SCHIP1: variants seen among roughly 807,000 people sequenced by gnomAD.
The protein encoded by SCHIP1 is schwannomin interacting protein 1.
A neutral mutation model predicts 29.7 loss-of-function variants in SCHIP1; 8 were observed. The ratio of observed to expected loss-of-function variants is 0.27; its 90% CI spans 0.16 to 0.49. The LOEUF (loss-of-function observed/expected upper bound fraction) is 0.49. Ranked by LOEUF, SCHIP1 falls within the 20% of genes least tolerant of loss-of-function variation. The pLI, the probability that SCHIP1 is intolerant of heterozygous loss-of-function variation, is 0.99. For synonymous variants in SCHIP1, 76 were observed against 94.9 expected, an observed-to-expected ratio of 0.80 and a Z score of 1.16; for missense variants, 193 against 294.6, an observed-to-expected ratio of 0.66 and a Z score of 2.52.
the SCHIP1 span, among the ~76,000 whole-genome samples, chr3:159,325,451 A>G: frequency 6.6e-6 from 1 of 152,118 alleles, no homozygotes; most frequent in South Asian, 2.1e-4. Flanking sequence ...TCTTTCCCAG[A>G]AAATGTTAAA....
the SCHIP1 span, among the ~76,000 whole-genome samples, chr3:159,418,043 G>T: frequency 6.6e-6 from 1 of 152,182 alleles, no homozygotes; most frequent in Non-Finnish European, 1.5e-5. Flanking sequence ...CTTGGGGAAT[G>T]AACACATTGT....
the SCHIP1 span, among the ~76,000 whole-genome samples, chr3:159,547,649 C>T: frequency 2.0e-5 from 3 of 152,292 alleles, no homozygotes; most frequent in Non-Finnish European, 2.9e-5. Context: ...CCAGTTTTCC[C>T]AGCACCATTT....
the SCHIP1 span, among the ~76,000 whole-genome samples, chr3:159,519,738 G>C: frequency 4.6e-5 from 7 of 151,960 alleles, no homozygotes; most frequent in African/African-American, 1.7e-4. Context: ...TTAATAATAT[G>C]AGTCTTAAGA....
the SCHIP1 span, among the ~76,000 whole-genome samples, chr3:159,295,214 G>A: frequency 7.2e-6 from 1 of 138,740 alleles, no homozygotes; most frequent in Admixed American, 7.8e-5. Flanking sequence ...TCAGGAGTTC[G>A]AGACCAGCCT....
the SCHIP1 span, among the ~76,000 whole-genome samples, chr3:159,328,764 C>A: frequency 1.3e-5 from 2 of 151,938 alleles, no homozygotes; most frequent in African/African-American, 4.8e-5. Context: ...GAGAAATCAG[C>A]GAATGGTTTT....
the SCHIP1 span, among the ~76,000 whole-genome samples, chr3:159,784,957 T>C: frequency 3.9e-5 from 6 of 152,318 alleles, no homozygotes; most frequent in Admixed American, 3.9e-4. Context: ...CTGGCCCAAG[T>C]AAATGGTTTT....
the SCHIP1 span, chr3:159,273,914 T>C: frequency 6.2e-7 from 1 of 1,611,368 alleles, no homozygotes; most frequent in Non-Finnish European, 8.5e-7. Context: ...CCATCTATTT[T>C]AGGTGTATCA....
chr3:159,598,454 A>G, the SCHIP1 span, among the ~76,000 whole-genome samples: 1 of 152,202 alleles, frequency 6.6e-6, no homozygotes, highest in African/African-American at 2.4e-5. Context: ...CAAAGGGGCT[A>G]TTGGCTCCAT....
chr3:159,415,896 T>C, the SCHIP1 span, among the ~76,000 whole-genome samples: 306 of 152,312 alleles, frequency 2.0e-3, 2 homozygotes, highest in African/African-American at 7.0e-3. Flanking sequence ...AAAAATGTTA[T>C]AGAAAAGAAA....
the SCHIP1 span, among the ~76,000 whole-genome samples, chr3:159,318,568 G>C: frequency 5.3e-5 from 8 of 152,300 alleles, no homozygotes; most frequent in African/African-American, 1.9e-4. Context: ...ATATCGTGCA[G>C]AACCATCTGT....
the SCHIP1 span, among the ~76,000 whole-genome samples, chr3:159,279,893 T>C: frequency 6.6e-6 from 1 of 152,058 alleles, no homozygotes; most frequent in Non-Finnish European, 1.5e-5. Flanking sequence ...CTCAGTACAT[T>C]GGATGCAATG....
intron 1 of SCHIP1, among the ~76,000 whole-genome samples, chr3:159,858,918 C>T (rs1049119547): frequency 6.6e-6 from 1 of 152,228 alleles, no homozygotes; most frequent in Non-Finnish European, 1.5e-5. Flanking sequence ...GAAATTTCAA[C>T]AGCATTTCGG....
chr3:159,420,295 G>C, the SCHIP1 span, among the ~76,000 whole-genome samples: 1 of 152,202 alleles, frequency 6.6e-6, no homozygotes, highest in Admixed American at 6.5e-5. Flanking sequence ...GCTTTGAAAT[G>C]AGGATTGGAC....
the SCHIP1 span, among the ~76,000 whole-genome samples, chr3:159,456,776 C>T: frequency 3.3e-5 from 5 of 152,134 alleles, no homozygotes; most frequent in Non-Finnish European, 7.4e-5. Context: ...CCTGACCTGA[C>T]TTTAGAAGTA....
chr3:159,896,212 A>T (rs1718049255), intron 6 of SCHIP1, among the ~76,000 whole-genome samples: 1 of 152,212 alleles, frequency 6.6e-6, no homozygotes, highest in South Asian at 2.1e-4. Flanking sequence ...CTGTGTCTGC[A>T]TGGGTCTTTA....
the SCHIP1 span, among the ~76,000 whole-genome samples, chr3:159,633,485 A>G: frequency 9.0e-4 from 137 of 152,352 alleles, no homozygotes; most frequent in African/African-American, 3.1e-3. Flanking sequence ...CATTGGGAGT[A>G]AAGAAAAAGT....
the SCHIP1 span, among the ~76,000 whole-genome samples, chr3:159,414,140 A>G: frequency 6.6e-6 from 1 of 152,226 alleles, no homozygotes; most frequent in Non-Finnish European, 1.5e-5. Context: ...CTATTCTTGC[A>G]TCAGAAATGG....
chr3:159,589,371 T>C, the SCHIP1 span, among the ~76,000 whole-genome samples: 1 of 152,320 alleles, frequency 6.6e-6, no homozygotes, highest in African/African-American at 2.4e-5. Flanking sequence ...GCTGAGACGA[T>C]GGGGTTTTCT....
chr3:159,725,905 T>A, the SCHIP1 span, among the ~76,000 whole-genome samples: 1 of 152,180 alleles, frequency 6.6e-6, no homozygotes. Flanking sequence ...TGTAAAAGAA[T>A]GGAAATAAGA....
Sources: gnomAD v4.1 joint callset for allele counts (sites outside exome capture counted in the v4.1 genomes callset) on GRCh38, gnomAD v4.1.1 for gene constraint, MANE v1.5 for transcripts, NCBI Gene and HGNC (gene_info 2026-07-23, HGNC 2026-07-21) for gene names.